SETD1A: variants seen among roughly 807,000 people sequenced by gnomAD.
The protein encoded by SETD1A is histone-lysine N-methyltransferase SETD1A.
Under a neutral mutation model 149.9 loss-of-function variants are expected in SETD1A, and 29 were observed. That is an observed-to-expected ratio of 0.19 (90% confidence interval 0.14 to 0.26). The LOEUF (loss-of-function observed/expected upper bound fraction) is 0.26. Among genes scored for constraint, SETD1A ranks in the 10% least tolerant of loss-of-function variants. The pLI is 1.00. For missense variants in SETD1A, 2,109 were observed against 2,353.1 expected, an observed-to-expected ratio of 0.90 and a Z score of 2.15; for synonymous variants, 1,141 against 968.5, an observed-to-expected ratio of 1.18 and a Z score of -3.31.
intron 13 of SETD1A, 83 bp downstream of exon 13, chr16:30,971,802 C>T: frequency 6.9e-7 from 1 of 1,451,228 alleles, no homozygotes; most frequent in Non-Finnish European, 9.1e-7. Context: ...TTATTGTGTA[C>T]AAGTGTGTGA....
Position 30,979,990 on chromosome 16 carries a change from C to T in SETD1A, c.4204C>T (p.Arg1402Cys), listed in dbSNP as rs1472617283. 20 of 1,480,636 alleles carry T rather than the reference C, an allele frequency of 1.4e-5. No homozygotes were observed. Among genetic ancestry groups the T allele is most frequent in the East Asian group, 5.3e-5 (2 of 37,462 alleles). 91.7% of individuals were successfully genotyped at this position (1,480,636 alleles called of 1,614,324 possible). The change falls in exon 14 of 19, where the codon CGC (arginine) becomes TGC (cysteine). Residue 1402 changes from arginine (R) to cysteine (C), a missense_variant. Physicochemically the swap from Arg to Cys is radical, Grantham distance 180. Around this residue, in one of 8 missense-constraint regions of SETD1A, gnomAD observed 832 missense variants for 815.6 expected, o/e 1.02. Transcript: ENST00000262519. ...CCTCCGCTCCCACGCCCGGCGCCGCCGCCCTCCGCCCCCACCCCCGCCGCC... is the reference window on the plus strand; with the variant it reads ...CCTCCGCTCCCACGCCCGGCGCCGCTGCCCTCCGCCCCCACCCCCGCCGCC... ...RSLRSHARRR[R>C]PPPPPPPPPP... is the part of the protein sequence containing the mutation.
In SETD1A at chr16:30,965,909, G is replaced by A. The variant is rs372998566; in HGVS notation, c.2028G>A (p.Met676Ile). 2 of 1,612,916 alleles carry A rather than the reference G, an allele frequency of 1.2e-6. No homozygotes were observed. The highest frequency in any genetic ancestry group is 1.7e-6 in the Non-Finnish European group (2 of 1,179,678). The change falls in exon 8 of 19, where the codon ATG (methionine) becomes ATA (isoleucine). Residue 676 changes from methionine (M) to isoleucine (I), a missense_variant. This residue lies in a region of SETD1A where 431 missense variants were observed against 388.6 expected (regional missense o/e 1.11). Coordinates refer to ENST00000262519, the MANE Select transcript of SETD1A (RefSeq NM_014712.3). The part of the protein sequence containing the change: ...MDRLGAQWGG[M>I]PMSFQMQTQM... ...GACTTGGGGCTCAGTGGGGAGGGAT[G>A]CCCATGTCCTTCCAGATGCAGACCC...
chr16:30,969,789 T>C, intron 12 of SETD1A, 100 bp downstream of exon 12: 1 of 939,688 alleles, frequency 1.1e-6, no homozygotes, highest in Non-Finnish European at 1.7e-6. Context: ...GCTGGGCTTG[T>C]GGGTCACCTT....
In SETD1A at chr16:30,965,653, G is replaced by C. The variant is rs981149399; in HGVS notation, c.1772G>C (p.Gly591Ala). Residue 591 changes from glycine to alanine, a missense_variant, in exon 8 of 19, where the codon GGT (glycine) becomes GCT (alanine). By Grantham distance (60) the Gly-to-Ala change is moderately conservative. Around this residue, in one of 8 missense-constraint regions of SETD1A, gnomAD observed 431 missense variants for 388.6 expected, o/e 1.11. Coordinates refer to ENST00000262519, the MANE Select transcript of SETD1A (RefSeq NM_014712.3). ...ATGGAGATCTCCGACGACGACCGGG[G>C]TGGCTCACCCCCTCCGGCCCCGACG... ...DDMEISDDDR[G>A]GSPPPAPTPP... 1 of 1,609,408 alleles carries C rather than the reference G, an allele frequency of 6.2e-7. No homozygotes were observed. Among genetic ancestry groups the C allele is most frequent in the Middle Eastern group, 1.7e-4 (1 of 5,992 alleles).
intron 12 of SETD1A, 53 bp from the exon 13 acceptor site, chr16:30,971,325 C>T: frequency 2.0e-6 from 3 of 1,523,830 alleles, no homozygotes; most frequent in East Asian, 2.3e-5. Flanking sequence ...GAGCCCACGG[C>T]TGGCCAAGTG....
At chr16:30,969,103 G>A (rs890398006) in intron 10 of SETD1A, among the ~76,000 whole-genome samples, 9 of 152,088 alleles carry the variant, frequency 5.9e-5, no homozygotes, top group Admixed American at 1.3e-4. Context: ...GCAAGACCCC[G>A]TCCCAAAAAC....
chr16:30,965,508 G>T, intron 7 of SETD1A, 47 bp downstream of exon 7: 1 of 1,584,742 alleles, frequency 6.3e-7, no homozygotes, highest in Non-Finnish European at 8.6e-7. Context: ...CTGGGAGTCA[G>T]GGTTGGGCCT....
In SETD1A at chr16:30,964,615, C is replaced by A. The variant is rs1187668323; in HGVS notation, c.873C>A (p.Thr291=). 3 of 1,611,420 alleles carry A rather than the reference C, an allele frequency of 1.9e-6. No homozygotes were observed. The highest frequency in any genetic ancestry group is 2.5e-6 in the Non-Finnish European group (3 of 1,178,494). Residue 291 remains threonine, a synonymous_variant, in exon 7 of 19, where the codon ACC becomes ACA. Coordinates refer to ENST00000262519, the MANE Select transcript of SETD1A (RefSeq NM_014712.3). ...YSQDSAYSSS[T]TSTSFKPRRS... The stretch of plus-strand genomic sequence containing the variant: ...AACTCCCCTGCTTCTTCTCCAGCAC[C>A]ACTTCAACCTCCTTCAAGCCCCGGC...
chr16:30,965,192 C>G lies in SETD1A; in HGVS notation c.1450C>G (p.Gln484Glu). 1 of 1,614,124 alleles carries G rather than the reference C, an allele frequency of 6.2e-7. No individual in the cohort carries two copies. The highest frequency in any genetic ancestry group is 2.2e-5 in the East Asian group (1 of 44,878). ...ETTNESVPFA[Q>E]HSSLDSRIEM... Reference sequence around the variant, plus strand: ...CACCAATGAGAGTGTGCCCTTCGCCCAGCACAGCAGCCTGGATTCCCGCAT... The same window carrying G: ...CACCAATGAGAGTGTGCCCTTCGCCGAGCACAGCAGCCTGGATTCCCGCAT... The change falls in exon 7 of 19, where the codon CAG becomes GAG. Residue 484 changes from glutamine (Q) to glutamate (E), a missense_variant. Coordinates refer to ENST00000262519, the MANE Select transcript of SETD1A (RefSeq NM_014712.3).
chr16:30,978,131 GGGTGT>G (rs2056308736), intron 13 of SETD1A, among the ~76,000 whole-genome samples: 1 of 152,020 alleles, frequency 6.6e-6, no homozygotes, highest in Non-Finnish European at 1.5e-5. Context: ...AAACTTAGCT[GGGTGT>G]GGTGGTGCAT....
At position 30,980,503 on chromosome 16, in the gene SETD1A, C is replaced by T; in HGVS notation, c.4427C>T (p.Pro1476Leu). ...CCTGCACTCACCAACCTGACCACCC[C>T]AAAACGCAAGCGGCGGCCCCAGGAT... ...VHHTITNLTTPKRKRRPQDGP... is the reference protein window; with the variant it reads ...VHHTITNLTTLKRKRRPQDGP... Residue 1476 changes from proline (P) to leucine (L), a missense_variant, in exon 15 of 19, where the codon CCA becomes CTA. Pro to Leu is a moderately conservative substitution (Grantham distance 98, BLOSUM62 -3). Around this residue, in one of 8 missense-constraint regions of SETD1A, gnomAD observed 254 missense variants for 409.3 expected, o/e 0.62. Coordinates refer to ENST00000262519, the MANE Select transcript of SETD1A (RefSeq NM_014712.3). This position sits in a 1 kb window ranked among gnomAD's most constrained non-coding sequence, Gnocchi z 7.7. The T allele has an allele frequency of 6.2e-7, 1 of 1,613,832 alleles. No individual in the cohort carries two copies. The highest frequency in any genetic ancestry group is 8.5e-7 in the Non-Finnish European group (1 of 1,179,838).
In SETD1A at chr16:30,983,600, G is replaced by T. The variant is rs1170450199; in HGVS notation, c.4813-35G>T. 2 of 1,599,470 alleles carry T rather than the reference G, an allele frequency of 1.3e-6. No homozygotes were observed. The highest frequency in any genetic ancestry group is 3.5e-5 in the Admixed American group (2 of 57,308). On this transcript the variant is annotated intron_variant, in intron 17 of 18. Transcript: ENST00000262519. This position sits in a 1 kb window ranked among gnomAD's most constrained non-coding sequence, Gnocchi z 6.8. Reference sequence around the variant, plus strand: ...GCGTGCTCAGGGGCAGGAAGTGGGGGACTCTTCCCTGACCATCGCATCTCA... The same window carrying T: ...GCGTGCTCAGGGGCAGGAAGTGGGGTACTCTTCCCTGACCATCGCATCTCA...
rs2056122855 is a variant in SETD1A, at chr16:30,965,242, C to T, written c.1500C>T (p.Arg500=). The change falls in exon 7 of 19, where the codon CGC becomes CGT. Residue 500 remains arginine (R), a synonymous_variant. Transcript: ENST00000262519. ...TCGAGATGCTGCTGAAGGAGCAGCG[C>T]TCCAAGTTTTCCTTCTTGGCCTCTG... The part of the protein sequence containing the change: ...SRIEMLLKEQ[R]SKFSFLASDT... 6.2e-7 allele frequency: 1 copy of T among 1,614,132 alleles called. No individual in the cohort carries two copies. Among genetic ancestry groups the T allele is most frequent in the Non-Finnish European group, 8.5e-7 (1 of 1,180,062 alleles).
intron 12 of SETD1A, among the ~76,000 whole-genome samples, chr16:30,970,854 G>C (rs1366536767): frequency 6.6e-6 from 1 of 152,168 alleles, no homozygotes; most frequent in African/African-American, 2.4e-5. Flanking sequence ...ATCCAATTCT[G>C]TTCCTCAAAA....
intron 8 of SETD1A, 31 bp downstream of exon 8, chr16:30,966,417 T>C (rs2056147937): frequency 6.4e-7 from 1 of 1,565,736 alleles, no homozygotes; most frequent in South Asian, 1.2e-5. Context: ...CGGGGAGCCC[T>C]GGGCTTTGCA....
rs754884290 is a variant in SETD1A, at chr16:30,979,638, C to G, written c.3852C>G (p.Asp1284Glu). Residue 1284 changes from aspartate (D) to glutamate (E), a missense_variant, in exon 14 of 19, where the codon GAC becomes GAG. By Grantham distance (45) the Asp-to-Glu change is conservative (BLOSUM62 2). Coordinates refer to ENST00000262519, the MANE Select transcript of SETD1A (RefSeq NM_014712.3). Reference protein sequence around the residue: ...VEDSEATETSDEAERPRPLLS... With the variant: ...VEDSEATETSEEAERPRPLLS... ...ACTCAGAGGCCACAGAGACATCGGA[C>G]GAGGCCGAGCGCCCTAGGCCCCTGC... 6.2e-7 allele frequency: 1 copy of G among 1,610,470 alleles called. No homozygotes were observed. Among genetic ancestry groups the G allele is most frequent in the South Asian group, 1.1e-5 (1 of 91,078 alleles).
Position 30,971,585 on chromosome 16 carries a change from C to T in SETD1A, c.3224C>T (p.Pro1075Leu). 5 of 1,613,958 alleles carry T rather than the reference C, an allele frequency of 3.1e-6. No individual in the cohort carries two copies. The highest frequency in any genetic ancestry group is 4.2e-6 in the Non-Finnish European group (5 of 1,179,972). ...GAAGAGGAGCGGCCAGCAGCCCTTC[C>T]CTCAGCCTCCCCGCCCCCCAGAGAA... The part of the protein sequence containing the change: ...EEEEERPAAL[P>L]SASPPPREVP... Residue 1075 changes from proline (P) to leucine (L), a missense_variant, in exon 13 of 19, where the codon CCC (proline) becomes CTC (leucine). Physicochemically the swap from Pro to Leu is moderately conservative, Grantham distance 98 (BLOSUM62 -3). Around this residue, in one of 8 missense-constraint regions of SETD1A, gnomAD observed 832 missense variants for 815.6 expected, o/e 1.02. Transcript: ENST00000262519.
chr16:30,982,200 CATT>C (rs1034275498), intron 17 of SETD1A, among the ~76,000 whole-genome samples: 3 of 152,102 alleles, frequency 2.0e-5, no homozygotes, highest in African/African-American at 7.2e-5. Context: ...CAGCTTGGCT[CATT>C]AGAAACCAGG....
chr16:30,965,669 G>T lies in SETD1A; in HGVS notation c.1788G>T (p.Pro596=). Residue 596 remains proline, a synonymous_variant, in exon 8 of 19, where the codon CCG becomes CCT. Transcript: ENST00000262519. The part of the protein sequence containing the change: ...SDDDRGGSPP[P]APTPPQQPPP... ...ACGACCGGGGTGGCTCACCCCCTCC[G>T]GCCCCGACGCCCCCTCAGCAGCCTC... 6.3e-7 allele frequency: 1 copy of T among 1,593,868 alleles called. No individual in the cohort carries two copies. The highest frequency in any genetic ancestry group is 1.4e-5 in the African/African-American group (1 of 69,996).
Sources: allele counts gnomAD v4.1 joint callset (sites outside exome capture counted in the v4.1 genomes callset), GRCh38; gene constraint gnomAD v4.1.1; regional missense constraint gnomAD v4.1.1; non-coding constraint Gnocchi (gnomAD v3.1); transcripts MANE v1.5; gene names NCBI Gene and HGNC (gene_info 2026-07-23, HGNC 2026-07-21).